ATG16L1: variants seen among roughly 807,000 people sequenced by gnomAD.
The protein encoded by ATG16L1 is autophagy related 16 like 1.
ATG16L1 carries 37 observed loss-of-function variants against 88.5 expected under a neutral mutation model. That is an observed-to-expected ratio of 0.42 (90% CI 0.32 to 0.55). The LOEUF is 0.55. Ranked by LOEUF, ATG16L1 falls within the 20% of genes least tolerant of loss-of-function variation. ATG16L1 has a pLI of 0.13. For synonymous variants in ATG16L1, 301 were observed against 281.0 expected, an observed-to-expected ratio of 1.07 and a Z score of -0.71; for missense variants, 554 against 752.8, an observed-to-expected ratio of 0.74 and a Z score of 3.09.
In ATG16L1 at chr2:233,294,527, C is replaced by T; in HGVS notation, c.*177C>T. 2.0e-6 allele frequency: 1 copy of T among 500,548 alleles called. No homozygotes were observed. The highest frequency in any genetic ancestry group is 3.6e-6 in the Non-Finnish European group (1 of 281,364). The allele number at this position is 500,548 out of a possible 1,614,324, so 31.0% of individuals were successfully genotyped here. On this transcript the variant is annotated 3_prime_UTR_variant, in exon 18 of 18. Transcript: ENST00000392017. ...GGATTTCTGAAGATTTGACTGAGGT[C>T]TCTCTTGGCCTGGAAGAATAACACT... is the stretch of plus-strand genomic sequence containing the variant.
At chr2:233,273,659 A>G in intron 7 of ATG16L1, 62 bp from the exon 8 acceptor site, 1 of 1,507,628 alleles carries the variant, frequency 6.6e-7, no homozygotes, top group Admixed American at 1.7e-5. Context: ...TGGGCTGTTT[A>G]TTGATTGATT....
At chr2:233,268,076 ACT>A (rs1287707863) in intron 5 of ATG16L1, among the ~76,000 whole-genome samples, 6 of 152,100 alleles carry the variant, frequency 3.9e-5, no homozygotes, top group African/African-American at 7.2e-5. Flanking sequence ...TATGTAGCAC[ACT>A]GTTTTGAGAT....
intron 12 of ATG16L1, among the ~76,000 whole-genome samples, chr2:233,286,868 G>A (rs1279007872): frequency 4.0e-5 from 6 of 151,572 alleles, no homozygotes; most frequent in East Asian, 1.9e-4. Context: ...CTTGTGATCC[G>A]CTCACCTCGG....
intron 12 of ATG16L1, among the ~76,000 whole-genome samples, chr2:233,285,757 G>A (rs936309897): frequency 6.6e-6 from 1 of 152,128 alleles, no homozygotes; most frequent in Non-Finnish European, 1.5e-5. Flanking sequence ...GTTAACAGAT[G>A]GTACTGGAGG....
At chr2:233,267,475 G>A (rs1309807305) in intron 5 of ATG16L1, among the ~76,000 whole-genome samples, 16 of 152,076 alleles carry the variant, frequency 1.1e-4, no homozygotes, top group Admixed American at 1.0e-3. Flanking sequence ...AAAAATGACT[G>A]GAAGGAATTA....
Position 233,295,347 on chromosome 2 carries a change from T to C in ATG16L1, c.*997T>C, listed in dbSNP as rs1699733759. The C allele has an allele frequency of 6.5e-6, 1 of 152,834 alleles. No individual in the cohort carries two copies. Among genetic ancestry groups the C allele is most frequent in the Non-Finnish European group, 1.5e-5 (1 of 68,048 alleles). The allele number at this position is 152,834 out of a possible 1,614,324, so 9.5% of individuals were successfully genotyped here. ...TACCTACGTATAAAGTTTTAGTTCA[T>C]TGGGTGTGCGAAACACCCTTTTTAT... On this transcript the variant is annotated 3_prime_UTR_variant, in exon 18 of 18. Transcript: ENST00000392017.
intron 6 of ATG16L1, 46 bp downstream of exon 6, chr2:233,270,113 C>G (rs1284448515): frequency 1.6e-5 from 24 of 1,519,344 alleles, no homozygotes; most frequent in Non-Finnish European, 2.1e-5. Flanking sequence ...GAAAATTTGG[C>G]TCTCTTAAAA....
Position 233,251,697 on chromosome 2 carries a change from A to ATGGC in ATG16L1, c.-131_-130insTGGC. 1 of 763,962 alleles carries ATGGC rather than the reference A, an allele frequency of 1.3e-6. No individual in the cohort carries two copies. The allele number at this position is 763,962 out of a possible 1,614,324, so 47.3% of individuals were successfully genotyped here. ...AAGACCGTCCCGGATGGCCTCGGGG[A>ATGGC]CTGCCAGTGTGTGGAGGTGAGCTCC... is the stretch of plus-strand genomic sequence containing the variant. On this transcript the variant is annotated 5_prime_UTR_variant, in exon 1 of 18. The change creates a new upstream start codon in the 5' untranslated region. Transcript: ENST00000392017.
chr2:233,253,340 G>GTTTTTTTTT lies in ATG16L1; in HGVS notation c.115+1411_115+1419dup, dbSNP rs56151049. 1.0e-3 allele frequency among the ~76,000 whole-genome samples: 110 copies of GTTTTTTTTT among 108,612 alleles called. 1 individual carries two copies. The highest frequency in any genetic ancestry group is 1.8e-3 in the African/African-American group (49 of 27,616). The allele number at this position is 108,612 out of a possible 152,430, so 71.3% of individuals were successfully genotyped here. A position where few individuals can be genotyped will look rare whatever the true frequency, so the allele number is the denominator to read the frequency against. On this transcript the variant is annotated intron_variant, in intron 1 of 17. Transcript: ENST00000392017. ...GTTAATGGTGAGACTGGGTTTTTTT[G>GTTTTTTTTT]TTTTTTTTTTTTTTTTTTTTTGGAG...
chr2:233,286,973 A>T (rs1244118023), intron 12 of ATG16L1, among the ~76,000 whole-genome samples: 1 of 152,114 alleles, frequency 6.6e-6, no homozygotes. Flanking sequence ...CGAGGAGCCA[A>T]GAAACAAAAC....
intron 12 of ATG16L1, among the ~76,000 whole-genome samples, chr2:233,287,466 T>C (rs182032788): frequency 1.1e-3 from 167 of 152,354 alleles, no homozygotes; most frequent in African/African-American, 3.7e-3. Context: ...ATCCCACTTA[T>C]GAACAATGTC....
Position 233,281,193 on chromosome 2 carries a change from A to C in ATG16L1, c.1131+18A>C, listed in dbSNP as rs966721105. ...ATAGTGCTGTAAGTATTGAATAGCT[A>C]TGATTTTAAAGGTTTTTAGAAATAA... On this transcript the variant is annotated intron_variant, in intron 11 of 17. Transcript: ENST00000392017. 2.6e-6 allele frequency: 4 copies of C among 1,531,090 alleles called. No homozygotes were observed. The African/African-American group carries it at 5.6e-5, about 21-fold the overall frequency. The allele number at this position is 1,531,090 out of a possible 1,614,324, so 94.8% of individuals were successfully genotyped here.
intron 12 of ATG16L1, chr2:233,288,684 A>G (rs1225152552): frequency 2.0e-6 from 1 of 499,522 alleles, no homozygotes; most frequent in Non-Finnish European, 4.1e-6. Context: ...GAGGTCAATG[A>G]TGAATGGTAA....
In ATG16L1 at chr2:233,252,357, T is replaced by C. The variant is rs984054840; in HGVS notation, c.115+415T>C. On this transcript the variant is annotated intron_variant, in intron 1 of 17. Coordinates refer to ENST00000392017, the MANE Select transcript of ATG16L1 (RefSeq NM_030803.7). ...CTTTGATTCCTCAAACTTACTTCCC[T>C]TACTCCACCTTGGTGGTTTTTTTTG... 5.3e-5 allele frequency among the ~76,000 whole-genome samples: 8 copies of C among 152,094 alleles called. No individual in the cohort carries two copies. In the South Asian group the frequency reaches 8.3e-4, roughly 16 times the overall value.
Position 233,264,931 on chromosome 2 carries a change from G to A in ATG16L1, c.429G>A (p.Thr143=), listed in dbSNP as rs762642617. ...ECLQTISDLE[T]ECLDLRTKLC... is the part of the protein sequence containing the mutation. ...TGCAGACTATCTCTGACCTGGAGACGGAGTGCCTAGACCTGCGCACTAAGC... is the reference window on the plus strand; with the variant it reads ...TGCAGACTATCTCTGACCTGGAGACAGAGTGCCTAGACCTGCGCACTAAGC... Residue 143 remains threonine, a synonymous_variant, in exon 5 of 18, where the codon ACG becomes ACA. Transcript: ENST00000392017. The A allele has an allele frequency of 1.9e-5, 30 of 1,613,926 alleles. No individual in the cohort carries two copies. Among genetic ancestry groups the A allele is most frequent in the African/African-American group, 5.3e-5 (4 of 74,920 alleles).
At chr2:233,289,043 A>T (rs1357754773) in intron 12 of ATG16L1, 1 of 407,882 alleles carries the variant, frequency 2.5e-6, no homozygotes, top group Non-Finnish European at 4.9e-6. Context: ...TCTGACTTTA[A>T]ATATGGAACT....
chr2:233,263,901 C>CTTT, intron 3 of ATG16L1, 91 bp from the exon 4 acceptor site: 1 of 1,292,956 alleles, frequency 7.7e-7, no homozygotes. Context: ...CTCATTTATT[C>CTTT]TTTCTTAAAA....
rs2125308735 is a variant in ATG16L1, at chr2:233,295,130, G to GACCC, written c.*780_*781insACCC. 6.5e-6 allele frequency: 1 copy of GACCC among 152,736 alleles called. No individual in the cohort carries two copies. Among genetic ancestry groups the GACCC allele is most frequent in the Admixed American group, 6.5e-5 (1 of 15,300 alleles). 9.5% of individuals were successfully genotyped at this position (152,736 alleles called of 1,614,324 possible). The stretch of plus-strand genomic sequence containing the variant: ...GGGTGCACACTGCATGCTTGGGGGT[G>GACCC]CCAAGGGATTCGAGACCTCCAACAT... On this transcript the variant is annotated 3_prime_UTR_variant, in exon 18 of 18. Coordinates refer to ENST00000392017, the MANE Select transcript of ATG16L1 (RefSeq NM_030803.7).
At chr2:233,284,093 C>T (rs1293712437) in intron 12 of ATG16L1, among the ~76,000 whole-genome samples, 1 of 151,742 alleles carries the variant, frequency 6.6e-6, no homozygotes, top group African/African-American at 2.4e-5. Context: ...ATCCACCCAC[C>T]TCGGCCTCCC....
Sources: allele counts gnomAD v4.1 joint callset (sites outside exome capture counted in the v4.1 genomes callset), GRCh38; gene constraint gnomAD v4.1.1; transcripts MANE v1.5; gene names NCBI Gene and HGNC (gene_info 2026-07-23, HGNC 2026-07-21).